DYM: variants seen among roughly 807,000 people sequenced by gnomAD.
DYM encodes the protein dymeclin, also known as dyggve-Melchior-Clausen syndrome protein.
A neutral mutation model predicts 93.1 loss-of-function variants in DYM; 78 were observed. The ratio of observed to expected loss-of-function variants is 0.84; its 90% confidence interval spans 0.70 to 1.01. The LOEUF (loss-of-function observed/expected upper bound fraction) is 1.01. Ranked by LOEUF, DYM falls within the 50% of genes least tolerant of loss-of-function variation. DYM has a pLI of 0.00. For synonymous variants in DYM, 321 were observed against 319.7 expected, an observed-to-expected ratio of 1.00 and a Z score of -0.04; for missense variants, 789 against 845.0, an observed-to-expected ratio of 0.93 and a Z score of 0.82.
chr18:49,311,039 T>A (rs891280882), intron 8 of DYM, among the ~76,000 whole-genome samples: 11 of 152,368 alleles, frequency 7.2e-5, no homozygotes, highest in African/African-American at 2.6e-4. Context: ...ATTTGTTGTG[T>A]ATTTTCCACT....
rs548849683 is a variant in DYM, at chr18:49,105,714, G to A, written c.1912-8199C>T. On this transcript the variant is annotated intron_variant, in intron 16 of 17. Coordinates refer to ENST00000675505, the MANE Select transcript of DYM (RefSeq NM_001353214.3). ...TTGTTCAGTTTCCATGTAGTTGAGC[G>A]GTTTTGAGTGAGTTTCTTAATCCTG... 7.6e-4 allele frequency among the ~76,000 whole-genome samples: 115 copies of A among 152,274 alleles called. No individual in the cohort carries two copies. The South Asian group carries it at 0.016, about 21-fold the overall frequency.
intron 15 of DYM, chr18:49,126,315 C>A (rs2082819917): frequency 6.6e-6 from 1 of 152,178 alleles, no homozygotes; most frequent in South Asian, 2.1e-4. Context: ...CCCTGAGATT[C>A]TGATTTACTA....
Position 49,333,790 on chromosome 18 carries a change from T to C in DYM, c.558A>G (p.Gln186=), listed in dbSNP as rs779880188. 6 of 1,613,860 alleles carry C rather than the reference T, an allele frequency of 3.7e-6. No individual in the cohort carries two copies. In the East Asian group the frequency reaches 1.3e-4, roughly 36 times the overall value. Reference sequence around the variant, plus strand: ...GTCGCAAAACTTCTTTGTGGAAGAGTTGGCAGGAAAGGAAAACAACCATTG... The same window carrying C: ...GTCGCAAAACTTCTTTGTGGAAGAGCTGGCAGGAAAGGAAAACAACCATTG... ...ISTMVVFLSC[Q]LFHKEVLRQS... The change falls in exon 7 of 18, where the codon CAA becomes CAG. Residue 186 remains glutamine, a synonymous_variant. Transcript: ENST00000675505.
chr18:49,198,632 C>G (rs911864937), intron 14 of DYM, among the ~76,000 whole-genome samples: 1 of 151,872 alleles, frequency 6.6e-6, no homozygotes, highest in Non-Finnish European at 1.5e-5. Flanking sequence ...AAAAAATGCT[C>G]ATCATCACTG....
At chr18:49,375,533 G>A (rs1461143086) in intron 5 of DYM, 3 of 151,802 alleles carry the variant, frequency 2.0e-5, no homozygotes, top group African/African-American at 7.3e-5. Flanking sequence ...TGGTCTTCTG[G>A]GACAGAAGGG....
intron 14 of DYM, among the ~76,000 whole-genome samples, chr18:49,173,054 A>C (rs2088953757): frequency 1.3e-5 from 2 of 151,784 alleles, no homozygotes; most frequent in African/African-American, 4.8e-5. Flanking sequence ...TAATTGTTCC[A>C]GTACCATTTG....
chr18:49,363,152 A>C lies in DYM; in HGVS notation c.494+9T>G, dbSNP rs1293989041. 6.2e-7 allele frequency: 1 copy of C among 1,610,574 alleles called. No homozygotes were observed. On this transcript the variant is annotated intron_variant, in intron 6 of 17. Coordinates refer to ENST00000675505, the MANE Select transcript of DYM (RefSeq NM_001353214.3). ...AGATAAAACAAATCCTGGCCTAGCC[A>C]GAACTTACAAGAGTGGAATATCAGT...
At chr18:49,424,556 G>A (rs1420872870) in intron 2 of DYM, among the ~76,000 whole-genome samples, 1 of 151,842 alleles carries the variant, frequency 6.6e-6, no homozygotes, top group African/African-American at 2.4e-5. Context: ...GGGCAATCAA[G>A]CAGAAGAAAG....
At chr18:49,280,845 A>C (rs1331068200) in intron 10 of DYM, among the ~76,000 whole-genome samples, 1 of 152,244 alleles carries the variant, frequency 6.6e-6, no homozygotes, top group East Asian at 1.9e-4. Flanking sequence ...AAACCATAAA[A>C]ACCCTAGAAG....
chr18:49,137,610 A>G (rs1306932887), intron 15 of DYM, among the ~76,000 whole-genome samples: 1 of 152,202 alleles, frequency 6.6e-6, no homozygotes, highest in African/African-American at 2.4e-5. Flanking sequence ...ATAAGGGTAG[A>G]TAATTTAGCA....
chr18:49,080,680 G>A (rs1390233185), intron 17 of DYM, among the ~76,000 whole-genome samples: 3 of 149,288 alleles, frequency 2.0e-5, no homozygotes, highest in African/African-American at 4.9e-5. Context: ...CGGCTGCCGG[G>A]CAGAGACGCT....
intron 3 of DYM, among the ~76,000 whole-genome samples, chr18:49,389,341 T>C (rs2068957553): frequency 6.6e-6 from 1 of 152,092 alleles, no homozygotes. Flanking sequence ...TGGTGGATGA[T>C]ATATATATAA....
chr18:49,171,340 T>C (rs1168419001), intron 14 of DYM, among the ~76,000 whole-genome samples: 3 of 152,132 alleles, frequency 2.0e-5, no homozygotes, highest in African/African-American at 7.2e-5. Flanking sequence ...CTCACAACTC[T>C]CAGCCAACTT....
At chr18:49,429,249 CCT>C (rs1432225085) in intron 2 of DYM, among the ~76,000 whole-genome samples, 10 of 152,354 alleles carry the variant, frequency 6.6e-5, no homozygotes, top group African/African-American at 2.4e-4. Context: ...AGATAATCTC[CCT>C]GTTTTAAGGT....
rs1273259788 is a variant in DYM at position 49,043,327 on chromosome 18, A to C, written c.*728T>G. ...AAGTTTTTTGTAGAGATGGGATCTCACTATGTTGCCCAAGCTGGTTTCAGA... is the reference window on the plus strand; with the variant it reads ...AAGTTTTTTGTAGAGATGGGATCTCCCTATGTTGCCCAAGCTGGTTTCAGA... On this transcript the variant is annotated 3_prime_UTR_variant, in exon 18 of 18. Transcript: ENST00000675505. The C allele has an allele frequency of 6.6e-6, 1 of 152,178 alleles. No individual in the cohort carries two copies. The highest frequency in any genetic ancestry group is 1.5e-5 in the Non-Finnish European group (1 of 68,088). The allele number at this position is 152,178 out of a possible 1,614,324, so 9.4% of individuals were successfully genotyped here.
intron 3 of DYM, among the ~76,000 whole-genome samples, chr18:49,383,053 C>T (rs1393828381): frequency 6.6e-6 from 1 of 152,112 alleles, no homozygotes; most frequent in Admixed American, 6.5e-5. Context: ...TGAACAAAAT[C>T]TACGTTGTGG....
At chr18:49,429,030 T>C (rs2074568547) in intron 2 of DYM, among the ~76,000 whole-genome samples, 2 of 152,210 alleles carry the variant, frequency 1.3e-5, no homozygotes, top group Admixed American at 6.5e-5. Context: ...GCTGCATCCC[T>C]TTCCAAAGGC....
chr18:49,411,412 C>T (rs1490183854), intron 2 of DYM, among the ~76,000 whole-genome samples: 1 of 152,110 alleles, frequency 6.6e-6, no homozygotes, highest in Non-Finnish European at 1.5e-5. Flanking sequence ...TGATAGACGA[C>T]TTTCTTGTAA....
At chr18:49,161,037 C>A (rs1163999295) in intron 15 of DYM, among the ~76,000 whole-genome samples, 6 of 151,430 alleles carry the variant, frequency 4.0e-5, no homozygotes, top group African/African-American at 1.5e-4. Flanking sequence ...GTTCATAAAC[C>A]CATTTGGAAA....
Sources: allele counts gnomAD v4.1 joint callset (sites outside exome capture counted in the v4.1 genomes callset), GRCh38; gene constraint gnomAD v4.1.1; transcripts MANE v1.5; gene names NCBI Gene and HGNC (gene_info 2026-07-23, HGNC 2026-07-21).